The following DGKB variants were observed in gnomAD, a reference collection of about 807,000 sequenced individuals.
The protein encoded by DGKB is 90 kDa diacylglycerol kinase.
A neutral mutation model predicts 114.3 loss-of-function variants in DGKB; 67 were observed. The ratio of observed to expected loss-of-function variants is 0.59; its 90% confidence interval spans 0.48 to 0.72. The LOEUF (loss-of-function observed/expected upper bound fraction) is 0.72, where lower values mean the gene tolerates loss of function less well. DGKB is among the 30% of genes least tolerant of loss of function. The pLI, the probability that DGKB is intolerant of heterozygous loss-of-function variation, is 0.00. For synonymous variants in DGKB, 398 were observed against 323.1 expected, an observed-to-expected ratio of 1.23 and a Z score of -2.49; for missense variants, 907 against 975.2, an observed-to-expected ratio of 0.93 and a Z score of 0.93.
chr7:14,430,866 G>A (rs1828351832), intron 21 of DGKB, among the ~76,000 whole-genome samples: 1 of 152,026 alleles, frequency 6.6e-6, no homozygotes, highest in African/African-American at 2.4e-5. Flanking sequence ...AGCTATCTAA[G>A]AATCTACCTT....
chr7:14,308,106 T>G (rs2128500063), intron 23 of DGKB, among the ~76,000 whole-genome samples: 1 of 152,240 alleles, frequency 6.6e-6, no homozygotes, highest in South Asian at 2.1e-4. Flanking sequence ...CTTTTCTTTT[T>G]ATGTACTTCA....
intron 23 of DGKB, among the ~76,000 whole-genome samples, chr7:14,306,438 C>CT (rs773847279): frequency 6.2e-4 from 94 of 152,026 alleles, no homozygotes; most frequent in Non-Finnish European, 1.1e-3. Context: ...AATGCTCACT[C>CT]TTTTTTTCTG....
At chr7:14,545,522 C>T (rs961644715) in intron 20 of DGKB, among the ~76,000 whole-genome samples, 1 of 152,192 alleles carries the variant, frequency 6.6e-6, no homozygotes, top group African/African-American at 2.4e-5. Context: ...GAGATGTCTA[C>T]ATCAGATGTG....
intron 1 of DGKB, among the ~76,000 whole-genome samples, chr7:14,923,372 T>G (rs1784601764): frequency 6.6e-6 from 1 of 152,212 alleles, no homozygotes; most frequent in South Asian, 2.1e-4. Context: ...TCTTTCTATT[T>G]ATTTTTATGA....
chr7:14,296,038 A>ATTT (rs67910544), intron 23 of DGKB, among the ~76,000 whole-genome samples: 6 of 141,472 alleles, frequency 4.2e-5, no homozygotes, highest in Non-Finnish European at 3.0e-5. Context: ...TCATGAACTC[A>ATTT]TTTTTTTTTT....
chr7:14,614,475 T>C (rs1806167882), intron 15 of DGKB, among the ~76,000 whole-genome samples: 1 of 152,166 alleles, frequency 6.6e-6, no homozygotes, highest in Non-Finnish European at 1.5e-5. Context: ...TCTGCTTTTT[T>C]GAAAGTACAT....
At chr7:14,644,305 G>A (rs886143777) in intron 13 of DGKB, among the ~76,000 whole-genome samples, 12 of 152,088 alleles carry the variant, frequency 7.9e-5, no homozygotes, top group Non-Finnish European at 1.6e-4. Flanking sequence ...AGGGATGCAG[G>A]AAACATGACA....
intron 21 of DGKB, among the ~76,000 whole-genome samples, chr7:14,418,303 G>A (rs1352945061): frequency 1.2e-4 from 11 of 92,576 alleles, no homozygotes. Context: ...ATACATATAT[G>A]TATGTATATA....
chr7:14,213,467 T>C (rs1473170201), intron 23 of DGKB, among the ~76,000 whole-genome samples: 1 of 152,184 alleles, frequency 6.6e-6, no homozygotes, highest in East Asian at 1.9e-4. Flanking sequence ...GTCTGTCATT[T>C]ATTCCATAAT....
chr7:14,221,083 T>G (rs1453646293), intron 23 of DGKB, among the ~76,000 whole-genome samples: 3 of 151,426 alleles, frequency 2.0e-5, no homozygotes, highest in African/African-American at 7.2e-5. Flanking sequence ...CCTTAAGATC[T>G]CCTATATATA....
intron 13 of DGKB, among the ~76,000 whole-genome samples, chr7:14,643,502 C>A (rs1374491530): frequency 1.3e-5 from 2 of 152,160 alleles, no homozygotes; most frequent in African/African-American, 2.4e-5. Flanking sequence ...TAGTATTCCA[C>A]TGATATTCCC....
intron 1 of DGKB, among the ~76,000 whole-genome samples, chr7:14,881,781 C>G (rs1854274540): frequency 6.6e-6 from 1 of 152,048 alleles, no homozygotes; most frequent in Non-Finnish European, 1.5e-5. Flanking sequence ...AATGATTCTT[C>G]TTTCAGAAAA....
intron 20 of DGKB, among the ~76,000 whole-genome samples, chr7:14,492,085 G>T (rs991401750): frequency 2.0e-5 from 3 of 151,932 alleles, no homozygotes; most frequent in Non-Finnish European, 2.9e-5. Context: ...AGAGATAAAA[G>T]TGTTTTGTTT....
chr7:14,209,672 C>G (rs889504763), intron 23 of DGKB: 14 of 341,716 alleles, frequency 4.1e-5, no homozygotes, highest in Admixed American at 8.3e-5. Context: ...AAAAAATAAC[C>G]TACTTAAATA....
At chr7:14,648,504 T>A (rs1813665726) in intron 13 of DGKB, among the ~76,000 whole-genome samples, 1 of 80,370 alleles carries the variant, frequency 1.2e-5, no homozygotes, top group African/African-American at 3.7e-5. Flanking sequence ...TACATCACCA[T>A]CATCAAACAC....
intron 21 of DGKB, among the ~76,000 whole-genome samples, chr7:14,346,855 G>A (rs1359678677): frequency 6.6e-6 from 1 of 151,746 alleles, no homozygotes; most frequent in Non-Finnish European, 1.5e-5. Context: ...GAAAAATATT[G>A]GTTTATACAA....
At chr7:14,336,799 T>C (rs1329253978) in intron 23 of DGKB, among the ~76,000 whole-genome samples, 1 of 151,968 alleles carries the variant, frequency 6.6e-6, no homozygotes, top group Non-Finnish European at 1.5e-5. Flanking sequence ...TGTACAGACA[T>C]GTGTTTGGGT....
At chr7:14,283,709 G>A (rs1267234154) in intron 23 of DGKB, among the ~76,000 whole-genome samples, 1 of 152,034 alleles carries the variant, frequency 6.6e-6, no homozygotes, top group Non-Finnish European at 1.5e-5. Flanking sequence ...AAATAACGCT[G>A]CATATCTACA....
chr7:14,564,373 C>G (rs2128680243), intron 20 of DGKB, among the ~76,000 whole-genome samples: 1 of 152,260 alleles, frequency 6.6e-6, no homozygotes, highest in Non-Finnish European at 1.5e-5. Context: ...GTGCCTGGGC[C>G]TGGTCTTCAG....
Sources: allele counts gnomAD v4.1 joint callset (sites outside exome capture counted in the v4.1 genomes callset), GRCh38; gene constraint gnomAD v4.1.1; transcripts MANE v1.5; gene names NCBI Gene and HGNC (gene_info 2026-07-23, HGNC 2026-07-21).